Variants in CFAP300 observed in about 807,000 individuals in gnomAD.
CFAP300 encodes the protein cilia- and flagella-associated protein 300.
In CFAP300, 32 loss-of-function variants were observed where a neutral mutation model predicts 33.0. The ratio of observed to expected loss-of-function variants is 0.97; its 90% confidence interval spans 0.73 to 1.30. The LOEUF (loss-of-function observed/expected upper bound fraction) is 1.30, where lower values mean the gene tolerates loss of function less well. CFAP300 is among the 50% of genes most tolerant of loss of function. The probability of loss-of-function intolerance (pLI) is 0.00; values close to 1 mark genes in which losing one functional copy is unlikely to be tolerated. For missense variants in CFAP300, 356 were observed against 318.1 expected, an observed-to-expected ratio of 1.12 and a Z score of -0.90; for synonymous variants, 102 against 106.8, an observed-to-expected ratio of 0.95 and a Z score of 0.28.
chr11:102,064,035 C>T (rs1489014506), intron 3 of CFAP300, among the ~76,000 whole-genome samples: 1 of 152,134 alleles, frequency 6.6e-6, no homozygotes, highest in Non-Finnish European at 1.5e-5. Flanking sequence ...CTCCAACTAC[C>T]ATCACGTTGA....
intron 3 of CFAP300, among the ~76,000 whole-genome samples, chr11:102,063,541 T>C (rs2135030022): frequency 6.6e-6 from 1 of 152,254 alleles, no homozygotes; most frequent in East Asian, 1.9e-4. Flanking sequence ...AGTGAAAATT[T>C]TGGGAGCAGG....
intron 4 of CFAP300, 147 bp from the exon 5 acceptor site, chr11:102,075,726 C>T: frequency 3.9e-6 from 2 of 513,300 alleles, no homozygotes; most frequent in Non-Finnish European, 6.7e-6. Flanking sequence ...CAAATAAATG[C>T]AGATTACAGG....
intron 4 of CFAP300, among the ~76,000 whole-genome samples, chr11:102,073,865 CT>C (rs1407896715): frequency 2.0e-5 from 3 of 152,130 alleles, no homozygotes; most frequent in Admixed American, 6.5e-5. Flanking sequence ...AGCCCCTCAG[CT>C]GTGGGTGGGA....
chr11:102,063,147 T>C (rs574211291), intron 3 of CFAP300, among the ~76,000 whole-genome samples: 33 of 152,258 alleles, frequency 2.2e-4, no homozygotes, highest in African/African-American at 7.9e-4. Flanking sequence ...ACCTTGGAGA[T>C]TGGGCCACCC....
At chr11:102,071,117 G>A (rs767811788) in intron 4 of CFAP300, among the ~76,000 whole-genome samples, 3 of 152,168 alleles carry the variant, frequency 2.0e-5, no homozygotes, top group Non-Finnish European at 4.4e-5. Flanking sequence ...TCTGGCTAAT[G>A]TGGAGAGTGG....
intron 5 of CFAP300, among the ~76,000 whole-genome samples, chr11:102,077,055 C>T (rs1209156509): frequency 6.6e-6 from 1 of 151,942 alleles, no homozygotes; most frequent in Non-Finnish European, 1.5e-5. Context: ...CTAGCACTCC[C>T]TGAAGATACT....
chr11:102,060,698 T>C (rs1398075076), intron 3 of CFAP300, among the ~76,000 whole-genome samples: 1 of 152,180 alleles, frequency 6.6e-6, no homozygotes, highest in African/African-American at 2.4e-5. Context: ...GGATTTATAC[T>C]CAATAAAATG....
At chr11:102,073,948 A>T (rs753893764) in intron 4 of CFAP300, among the ~76,000 whole-genome samples, 57 of 152,152 alleles carry the variant, frequency 3.7e-4, no homozygotes, top group Non-Finnish European at 7.1e-4. Context: ...GCTATCAGTG[A>T]CAGCGGCCCC....
intron 3 of CFAP300, among the ~76,000 whole-genome samples, chr11:102,061,499 A>G (rs1209027102): frequency 6.6e-6 from 1 of 152,192 alleles, no homozygotes; most frequent in African/African-American, 2.4e-5. Context: ...GCCAGCCGCC[A>G]TAGCTCCTAT....
intron 4 of CFAP300, among the ~76,000 whole-genome samples, chr11:102,067,008 G>C (rs1055595571): frequency 2.0e-5 from 3 of 152,124 alleles, no homozygotes; most frequent in Admixed American, 1.3e-4. Flanking sequence ...GGCCATTTTT[G>C]CTCAATGTGG....
intron 6 of CFAP300, chr11:102,081,486 A>G: frequency 1.7e-6 from 1 of 585,640 alleles, no homozygotes; most frequent in Non-Finnish European, 3.0e-6. Context: ...CCTTTCTGTC[A>G]TCTGTATCTA....
intron 2 of CFAP300, among the ~76,000 whole-genome samples, chr11:102,049,357 C>G (rs895062672): frequency 1.3e-5 from 2 of 152,148 alleles, no homozygotes; most frequent in Non-Finnish European, 2.9e-5. Context: ...TATAGAGACA[C>G]CAGTCATATT....
chr11:102,061,427 C>T (rs1472965465), intron 3 of CFAP300, among the ~76,000 whole-genome samples: 1 of 152,172 alleles, frequency 6.6e-6, no homozygotes, highest in Admixed American at 6.5e-5. Context: ...GATGATGGAA[C>T]CTCCTTCACT....
At chr11:102,052,034 A>G (rs1229313281) in intron 2 of CFAP300, among the ~76,000 whole-genome samples, 1 of 152,246 alleles carries the variant, frequency 6.6e-6, no homozygotes, top group Non-Finnish European at 1.5e-5. Flanking sequence ...ATAACAAGCC[A>G]GAAATGCAAT....
chr11:102,069,366 C>G (rs1942276024), intron 4 of CFAP300, among the ~76,000 whole-genome samples: 1 of 152,326 alleles, frequency 6.6e-6, no homozygotes, highest in African/African-American at 2.4e-5. Context: ...TAACCACTTT[C>G]CTGACTGTGG....
At chr11:102,080,447 C>T (rs1041629871) in intron 5 of CFAP300, among the ~76,000 whole-genome samples, 1 of 152,148 alleles carries the variant, frequency 6.6e-6, no homozygotes, top group South Asian at 2.1e-4. Flanking sequence ...GATGGAGTTT[C>T]GCTCCTGTTG....
At chr11:102,047,995 C>A in intron 2 of CFAP300, 99 bp downstream of exon 2, 2 of 1,140,120 alleles carry the variant, frequency 1.8e-6, no homozygotes, top group Non-Finnish European at 2.4e-6. Context: ...TCCTTACTGA[C>A]GTCGTTTTCT....
At chr11:102,072,912 G>A (rs1420437004) in intron 4 of CFAP300, among the ~76,000 whole-genome samples, 4 of 152,146 alleles carry the variant, frequency 2.6e-5, no homozygotes, top group African/African-American at 7.2e-5. Context: ...GGCATCACTG[G>A]TGTCTGTGTT....
intron 3 of CFAP300, among the ~76,000 whole-genome samples, chr11:102,059,326 T>A (rs187467433): frequency 2.9e-4 from 43 of 148,596 alleles, no homozygotes; most frequent in African/African-American, 1.0e-3. Context: ...TGTGTGTATG[T>A]ACTAATATGT....
Sources: gnomAD v4.1 joint callset for allele counts (sites outside exome capture counted in the v4.1 genomes callset) on GRCh38, gnomAD v4.1.1 for gene constraint, MANE v1.5 for transcripts, NCBI Gene and HGNC (gene_info 2026-07-23, HGNC 2026-07-21) for gene names.